Variants in MACROD2 observed in about 807,000 individuals in gnomAD.
MACROD2 encodes ADP-ribose glycohydrolase MACROD2.
A neutral mutation model predicts 70.4 loss-of-function variants in MACROD2; 36 were observed. The observed-to-expected ratio is 0.51, with a 90% confidence interval of 0.39 to 0.68. The LOEUF is 0.68. Ranked by LOEUF, MACROD2 falls within the 30% of genes least tolerant of loss-of-function variation. MACROD2 has a pLI of 0.00. For missense variants in MACROD2, 496 were observed against 538.4 expected (o/e 0.92, Z 0.78); for synonymous variants, 172 against 178.8 (o/e 0.96, Z 0.30).
chr20:14,020,861 A>G (rs112539138), intron 2 of MACROD2, among the ~76,000 whole-genome samples: 1 of 151,948 alleles, frequency 6.6e-6, no homozygotes, highest in Non-Finnish European at 1.5e-5. Flanking sequence ...TTACTCTTTC[A>G]TCTCTTAAGT....
intron 5 of MACROD2, among the ~76,000 whole-genome samples, chr20:15,196,492 A>C (rs2076607527): frequency 6.6e-6 from 1 of 152,172 alleles, no homozygotes; most frequent in Non-Finnish European, 1.5e-5. Context: ...GTCTTAGAGG[A>C]CCATAAACCA....
At position 14,497,539 on chromosome 20, in the gene MACROD2, T is replaced by G. The variant is rs529320017; in HGVS notation, c.301+4031T>G. Reference sequence around the variant, plus strand: ...TTACGGTCTCTTACTTTAGATAATATCTTTTGTTTTTCATTGACGTAATAG... The same window carrying G: ...TTACGGTCTCTTACTTTAGATAATAGCTTTTGTTTTTCATTGACGTAATAG... On this transcript the variant is annotated intron_variant, in intron 4 of 17. Transcript: ENST00000684519. 3.3e-5 allele frequency among the ~76,000 whole-genome samples: 5 copies of G among 151,730 alleles called. No individual in the cohort carries two copies. In the South Asian group the frequency reaches 6.2e-4, roughly 19 times the overall value.
At chr20:14,871,232 A>T (rs2073484595) in intron 5 of MACROD2, among the ~76,000 whole-genome samples, 1 of 152,158 alleles carries the variant, frequency 6.6e-6, no homozygotes, top group Admixed American at 6.6e-5. Context: ...TCCAAGGCAG[A>T]AATGAAAGAA....
At chr20:14,968,327 C>T (rs2074657516) in intron 5 of MACROD2, among the ~76,000 whole-genome samples, 1 of 152,086 alleles carries the variant, frequency 6.6e-6, no homozygotes, top group Admixed American at 6.6e-5. Context: ...CAGTTCTCAG[C>T]CCTGTGTGGT....
chr20:14,514,394 T>C (rs2085066784), intron 4 of MACROD2, among the ~76,000 whole-genome samples: 1 of 152,116 alleles, frequency 6.6e-6, no homozygotes, highest in Non-Finnish European at 1.5e-5. Flanking sequence ...ATGTGACTTC[T>C]CCATGCTGCC....
At position 15,788,433 on chromosome 20, in the gene MACROD2, A is replaced by G. The variant is rs117594212; in HGVS notation, c.646-74312A>G. On this transcript the variant is annotated intron_variant, in intron 8 of 17. Coordinates refer to ENST00000684519, the MANE Select transcript of MACROD2 (RefSeq NM_001351661.2). Reference sequence around the variant, plus strand: ...TCCTCTTAGGAAGTATTGGTATTTAACATGTGATTTAAAATATCTATAAAT... The same window carrying G: ...TCCTCTTAGGAAGTATTGGTATTTAGCATGTGATTTAAAATATCTATAAAT... Among the ~76,000 whole-genome samples the G allele has an allele frequency of 4.2e-3, 643 of 152,226 alleles. 5 individuals carry two copies. Among genetic ancestry groups the G allele is most frequent in the Middle Eastern group, 0.014 (4 of 294 alleles).
At chr20:14,806,253 C>G (rs1488433792) in intron 5 of MACROD2, among the ~76,000 whole-genome samples, 1 of 152,008 alleles carries the variant, frequency 6.6e-6, no homozygotes, top group Non-Finnish European at 1.5e-5. Flanking sequence ...ACTGAGGTAC[C>G]CGGTTGATCT....
chr20:14,817,942 T>C (rs1249948748), intron 5 of MACROD2, among the ~76,000 whole-genome samples: 1 of 152,064 alleles, frequency 6.6e-6, no homozygotes, highest in Non-Finnish European at 1.5e-5. Context: ...GTACTAGCAG[T>C]TGGATGCCAG....
rs191043563 is a variant in MACROD2 at position 15,152,474 on chromosome 20, G to T, written c.419-77466G>T. 2.6e-3 allele frequency among the ~76,000 whole-genome samples: 390 copies of T among 151,356 alleles called. 4 individuals carry two copies. The highest frequency in any genetic ancestry group is 8.6e-3 in the African/African-American group (355 of 41,126). On this transcript the variant is annotated intron_variant, in intron 5 of 17. Transcript: ENST00000684519. ...GTTGGGGGCGTGGAAATAAGGGATT[G>T]GGGCACAGAGATAAGAGGTTAGGGC...
At chr20:15,084,389 C>G (rs1023686442) in intron 5 of MACROD2, among the ~76,000 whole-genome samples, 6 of 152,028 alleles carry the variant, frequency 3.9e-5, no homozygotes, top group Non-Finnish European at 1.5e-5. Flanking sequence ...CTTACCATCT[C>G]TCTTGCTTTT....
chr20:14,528,101 A>G (rs1263466910), intron 4 of MACROD2, among the ~76,000 whole-genome samples: 1 of 147,240 alleles, frequency 6.8e-6, no homozygotes, highest in Non-Finnish European at 1.5e-5. Flanking sequence ...AATAAGCCCC[A>G]CTGTCTACAC....
intron 9 of MACROD2, among the ~76,000 whole-genome samples, chr20:15,871,954 C>A (rs1391839818): frequency 1.3e-5 from 2 of 152,134 alleles, no homozygotes; most frequent in Non-Finnish European, 2.9e-5. Flanking sequence ...GCCATGGATT[C>A]ATCATCTGCT....
intron 7 of MACROD2, among the ~76,000 whole-genome samples, chr20:15,472,575 A>G (rs1441690340): frequency 6.6e-6 from 1 of 152,094 alleles, no homozygotes. Flanking sequence ...CCCGTTGCTC[A>G]TAACTATTTC....
In MACROD2 at chr20:14,520,887, T is replaced by G. The variant is rs553565129; in HGVS notation, c.301+27379T>G. 8.5e-5 allele frequency among the ~76,000 whole-genome samples: 13 copies of G among 152,244 alleles called. No individual in the cohort carries two copies. The East Asian group carries it at 2.3e-3, about 27-fold the overall frequency. Reference sequence around the variant, plus strand: ...CTTCTTTCTTCAATCAGGGGCAATCTTAAACAGGACATTAGCACTAGATAC... The same window carrying G: ...CTTCTTTCTTCAATCAGGGGCAATCGTAAACAGGACATTAGCACTAGATAC... On this transcript the variant is annotated intron_variant, in intron 4 of 17. Transcript: ENST00000684519.
intron 5 of MACROD2, among the ~76,000 whole-genome samples, chr20:15,072,622 A>G (rs1400861223): frequency 6.6e-6 from 1 of 152,128 alleles, no homozygotes; most frequent in Non-Finnish European, 1.5e-5. Context: ...CTTTCCATCA[A>G]TTACTTCCAG....
intron 5 of MACROD2, among the ~76,000 whole-genome samples, chr20:14,990,452 G>A (rs1326046871): frequency 6.6e-6 from 1 of 150,998 alleles, no homozygotes; most frequent in Non-Finnish European, 1.5e-5. Context: ...CCCACATAAG[G>A]CCCTTGTTTC....
At chr20:14,816,697 A>G (rs890373671) in intron 5 of MACROD2, among the ~76,000 whole-genome samples, 4 of 152,026 alleles carry the variant, frequency 2.6e-5, no homozygotes, top group Non-Finnish European at 4.4e-5. Context: ...GAAAATTATG[A>G]TACAATTCAG....
At chr20:14,674,365 C>T (rs992227114) in intron 4 of MACROD2, among the ~76,000 whole-genome samples, 1 of 152,100 alleles carries the variant, frequency 6.6e-6, no homozygotes, top group Admixed American at 6.6e-5. Context: ...ATGAATTCTT[C>T]CTTTCAAAAT....
chr20:14,154,105 A>G (rs2055060311), intron 3 of MACROD2, among the ~76,000 whole-genome samples: 1 of 152,206 alleles, frequency 6.6e-6, no homozygotes, highest in African/African-American at 2.4e-5. Context: ...TAGATCTACT[A>G]AATATTTAAA....
Sources: allele counts gnomAD v4.1 joint callset (sites outside exome capture counted in the v4.1 genomes callset), GRCh38; gene constraint gnomAD v4.1.1; transcripts MANE v1.5; gene names NCBI Gene and HGNC (gene_info 2026-07-23, HGNC 2026-07-21).